NUP155: variants seen among roughly 807,000 people sequenced by gnomAD.
NUP155 encodes nuclear pore complex protein Nup155.
A neutral mutation model predicts 180.4 loss-of-function variants in NUP155; 71 were observed. That is an observed-to-expected ratio of 0.39 (90% CI 0.33 to 0.48). The LOEUF is 0.48. Among genes scored for constraint, NUP155 ranks in the 20% least tolerant of loss-of-function variants. NUP155 has a pLI of 0.91. For missense variants in NUP155, 1,553 were observed against 1,648.9 expected (o/e 0.94, Z 1.01); for synonymous variants, 582 against 559.5 (o/e 1.04, Z -0.57).
intron 20 of NUP155, among the ~76,000 whole-genome samples, chr5:37,319,882 C>CA (rs1744132758): frequency 6.6e-6 from 1 of 151,772 alleles, no homozygotes; most frequent in Non-Finnish European, 1.5e-5. Flanking sequence ...AAAAGAAAAC[C>CA]AAAAAACACC....
intron 21 of NUP155, among the ~76,000 whole-genome samples, chr5:37,317,296 C>T (rs904061597): frequency 6.6e-5 from 10 of 152,086 alleles, no homozygotes; most frequent in Non-Finnish European, 1.5e-5. Context: ...TCGAGACCAG[C>T]CTGACCAACA....
intron 20 of NUP155, among the ~76,000 whole-genome samples, chr5:37,323,309 T>A (rs556769146): frequency 5.9e-5 from 9 of 152,168 alleles, no homozygotes; most frequent in Non-Finnish European, 1.3e-4. Flanking sequence ...CAAAAACTTG[T>A]ACAGGAATGC....
intron 8 of NUP155, 93 bp downstream of exon 8, chr5:37,349,075 TACAC>T (rs1746293894): frequency 2.8e-6 from 1 of 353,792 alleles, no homozygotes; most frequent in Non-Finnish European, 5.3e-6. Context: ...TTTTTTTAGT[TACAC>T]AGTTCATAGG....
intron 13 of NUP155, among the ~76,000 whole-genome samples, chr5:37,332,315 T>C (rs1450511449): frequency 6.7e-5 from 5 of 74,324 alleles, no homozygotes; most frequent in African/African-American, 3.3e-4. Flanking sequence ...CATTACAGCT[T>C]TTTTTTTTTT....
intron 15 of NUP155, 66 bp downstream of exon 15, chr5:37,329,972 T>C: frequency 8.7e-7 from 1 of 1,149,510 alleles, no homozygotes; most frequent in South Asian, 1.3e-5. Context: ...ATCACATTGA[T>C]AAAATCATTT....
intron 1 of NUP155, among the ~76,000 whole-genome samples, chr5:37,367,534 CCT>C (rs1491562023): frequency 1.4e-5 from 2 of 144,542 alleles, no homozygotes; most frequent in African/African-American, 5.1e-5. Flanking sequence ...TTTTCTTTTT[CCT>C]TTTTTTTTTT....
chr5:37,295,938 G>C (rs1447477212), intron 32 of NUP155, among the ~76,000 whole-genome samples: 1 of 145,690 alleles, frequency 6.9e-6, no homozygotes, highest in Non-Finnish European at 1.5e-5. Flanking sequence ...GCCTCTGCCC[G>C]GCCGCCCCTA....
chr5:37,317,629 G>A (rs1245233485), intron 21 of NUP155, among the ~76,000 whole-genome samples: 1 of 151,096 alleles, frequency 6.6e-6, no homozygotes, highest in Non-Finnish European at 1.5e-5. Context: ...TGCTAAAAGA[G>A]ATAGGGAAAT....
chr5:37,309,780 C>T (rs77153386), intron 23 of NUP155, among the ~76,000 whole-genome samples: 5 of 151,994 alleles, frequency 3.3e-5, no homozygotes, highest in South Asian at 2.1e-4. Context: ...ATGGGCCAGG[C>T]GCAGAGGCTC....
At chr5:37,332,145 G>A (rs1745005482) in intron 13 of NUP155, among the ~76,000 whole-genome samples, 1 of 133,314 alleles carries the variant, frequency 7.5e-6, no homozygotes, top group Non-Finnish European at 1.5e-5. Flanking sequence ...TAATCATGTT[G>A]CTACTATTTA....
At chr5:37,341,527 A>C (rs956449146) in intron 10 of NUP155, among the ~76,000 whole-genome samples, 1 of 151,114 alleles carries the variant, frequency 6.6e-6, no homozygotes, top group Non-Finnish European at 1.5e-5. Context: ...ACACCCGTCT[A>C]ATTTGTTTTA....
intron 32 of NUP155, among the ~76,000 whole-genome samples, chr5:37,298,081 T>C (rs1430528131): frequency 2.6e-5 from 4 of 151,722 alleles, no homozygotes; most frequent in Non-Finnish European, 4.4e-5. Flanking sequence ...CTAATAAAAA[T>C]ACAGAAAATT....
At chr5:37,299,809 C>T (rs538530121) in intron 30 of NUP155, among the ~76,000 whole-genome samples, 6 of 151,346 alleles carry the variant, frequency 4.0e-5, no homozygotes, top group African/African-American at 4.9e-5. Flanking sequence ...CCAAGGTGGG[C>T]GGATCACGAG....
At chr5:37,325,347 T>TAAAA (rs1186613543) in intron 19 of NUP155, among the ~76,000 whole-genome samples, 1 of 152,208 alleles carries the variant, frequency 6.6e-6, no homozygotes, top group Non-Finnish European at 1.5e-5. Context: ...CCCCTTCTTT[T>TAAAA]ACCATGAGGT....
intron 20 of NUP155, among the ~76,000 whole-genome samples, chr5:37,321,932 C>T (rs13182569): frequency 6.6e-6 from 1 of 151,976 alleles, no homozygotes; most frequent in South Asian, 2.1e-4. Flanking sequence ...CTGGGCTCAC[C>T]GCAACCTCCG....
chr5:37,328,258 G>C (rs1042806095), intron 17 of NUP155, 100 bp downstream of exon 17: 1 of 920,714 alleles, frequency 1.1e-6, no homozygotes. Context: ...TATTTTCAAG[G>C]GAATAAGGCA....
intron 32 of NUP155, among the ~76,000 whole-genome samples, chr5:37,296,914 C>T (rs978047143): frequency 7.9e-5 from 12 of 152,044 alleles, no homozygotes; most frequent in Non-Finnish European, 1.6e-4. Flanking sequence ...TGGTGGTTCG[C>T]ACCTATAATC....
At chr5:37,352,631 G>A (rs988449192) in intron 5 of NUP155, 106 bp downstream of exon 5, 15 of 741,614 alleles carry the variant, frequency 2.0e-5, no homozygotes, top group Non-Finnish European at 3.6e-5. Context: ...AATCATTAAT[G>A]TGAGTCAATG....
chr5:37,334,133 ACT>A (rs973659406), intron 12 of NUP155, among the ~76,000 whole-genome samples: 7 of 148,114 alleles, frequency 4.7e-5, no homozygotes, highest in Non-Finnish European at 1.0e-4. Flanking sequence ...ACAGCATCTT[ACT>A]CTGTCACCTA....
Sources: gnomAD v4.1 joint callset for allele counts (sites outside exome capture counted in the v4.1 genomes callset) on GRCh38, gnomAD v4.1.1 for gene constraint, MANE v1.5 for transcripts, NCBI Gene and HGNC (gene_info 2026-07-23, HGNC 2026-07-21) for gene names.